The following RSRC1 variants were observed in gnomAD, a reference collection of about 807,000 sequenced individuals.
The protein encoded by RSRC1 is serine/Arginine-related protein 53.
A neutral mutation model predicts 49.1 loss-of-function variants in RSRC1; 39 were observed. That is an observed-to-expected ratio of 0.79 (90% CI 0.61 to 1.04). The LOEUF (loss-of-function observed/expected upper bound fraction) is 1.04, where lower values mean the gene tolerates loss of function less well. RSRC1 is among the 50% of genes least tolerant of loss of function. RSRC1 has a pLI of 0.00. For missense variants in RSRC1, 388 were observed against 402.4 expected, an observed-to-expected ratio of 0.96 and a Z score of 0.31; for synonymous variants, 143 against 130.8, an observed-to-expected ratio of 1.09 and a Z score of -0.63.
rs534145626 is a variant in RSRC1 at position 158,486,367 on chromosome 3, A to C, written c.652+25364A>C. Among the ~76,000 whole-genome samples, 3 of 152,206 alleles carry C rather than the reference A, an allele frequency of 2.0e-5. No individual in the cohort carries two copies. In the East Asian group the frequency reaches 5.8e-4, roughly 29 times the overall value. On this transcript the variant is annotated intron_variant, in intron 7 of 9. Transcript: ENST00000611884. ...CATCCTTCTGTTGGCAAAATCCCCT[A>C]TCTCTTCCAGGCACCATGTTAAATG...
At position 158,282,813 on chromosome 3, in the gene RSRC1, T is replaced by C. The variant is rs75824675; in HGVS notation, c.495-15226T>C. Among the ~76,000 whole-genome samples, 744 of 152,272 alleles carry C rather than the reference T, an allele frequency of 4.9e-3. 7 individuals carry two copies. The highest frequency in any genetic ancestry group is 0.014 in the Middle Eastern group (4 of 294). On this transcript the variant is annotated intron_variant, in intron 4 of 9. Coordinates refer to ENST00000611884, the MANE Select transcript of RSRC1 (RefSeq NM_001271838.2). The stretch of plus-strand genomic sequence containing the variant: ...ATGAACTGGTTTGAGAAGAGTTACA[T>C]ATTGGCAGAAAATTGTTAGCCAGGT...
rs774630952 is a variant in RSRC1 at position 158,298,019 on chromosome 3, CT to C, written c.495-16del. ...ACAAGGATTTAGCAACTATTTAGAA[CT>C]TTTACTCTTCTATTTTAGGGAATCT... On this transcript the variant is annotated intron_variant, in intron 4 of 9. Transcript: ENST00000611884. 1.9e-5 allele frequency: 30 copies of C among 1,577,354 alleles called. No individual in the cohort carries two copies. In the South Asian group the frequency reaches 3.2e-4, roughly 17 times the overall value.
intron 4 of RSRC1, 104 bp downstream of exon 4, chr3:158,203,349 A>G (rs1388816414): frequency 8.6e-7 from 1 of 1,161,496 alleles, no homozygotes; most frequent in African/African-American, 1.5e-5. Context: ...TATTTGCTAT[A>G]AGAGTAGAAG....
intron 7 of RSRC1, among the ~76,000 whole-genome samples, chr3:158,521,184 A>C (rs1035655885): frequency 7.2e-5 from 11 of 152,184 alleles, no homozygotes; most frequent in Admixed American, 3.3e-4. Context: ...AAATAAGTGA[A>C]ATATTAATAG....
At chr3:158,479,993 A>G (rs1275280225) in intron 7 of RSRC1, among the ~76,000 whole-genome samples, 1 of 152,044 alleles carries the variant, frequency 6.6e-6, no homozygotes, top group Non-Finnish European at 1.5e-5. Flanking sequence ...GTAACCATTT[A>G]GCACACCCTC....
intron 3 of RSRC1, among the ~76,000 whole-genome samples, chr3:158,155,224 C>T (rs1226746545): frequency 1.3e-5 from 2 of 152,004 alleles, no homozygotes; most frequent in African/African-American, 4.8e-5. Context: ...TTTACTTTGC[C>T]CAGATTCATC....
At chr3:158,132,053 G>C (rs1184772502) in intron 3 of RSRC1, 1 of 416,596 alleles carries the variant, frequency 2.4e-6, no homozygotes, top group Non-Finnish European at 4.9e-6. Flanking sequence ...GTGCAATCTT[G>C]GCTCACTGTA....
intron 5 of RSRC1, among the ~76,000 whole-genome samples, chr3:158,342,519 T>C (rs768574104): frequency 1.4e-4 from 21 of 152,318 alleles, no homozygotes; most frequent in Non-Finnish European, 2.9e-4. Flanking sequence ...TCCCCAGCCA[T>C]GTGGAACCAT....
At chr3:158,473,987 G>A (rs554790259) in intron 7 of RSRC1, among the ~76,000 whole-genome samples, 38 of 152,202 alleles carry the variant, frequency 2.5e-4, no homozygotes, top group Non-Finnish European at 5.1e-4. Flanking sequence ...AAATTTACAG[G>A]TTTTGTATGA....
chr3:158,414,038 A>G (rs1396419388), intron 6 of RSRC1, among the ~76,000 whole-genome samples: 2 of 152,050 alleles, frequency 1.3e-5, no homozygotes, highest in Non-Finnish European at 2.9e-5. Flanking sequence ...CCAAAAGAAT[A>G]TAAATTACTG....
chr3:158,176,276 T>C (rs1423571035), intron 3 of RSRC1, among the ~76,000 whole-genome samples: 1 of 152,220 alleles, frequency 6.6e-6, no homozygotes, highest in Non-Finnish European at 1.5e-5. Context: ...ACCAATGATT[T>C]TCTTCACAGA....
intron 6 of RSRC1, among the ~76,000 whole-genome samples, chr3:158,401,442 G>T (rs1188326109): frequency 4.6e-5 from 7 of 151,918 alleles, no homozygotes; most frequent in Non-Finnish European, 7.4e-5. Flanking sequence ...TATAGATTGC[G>T]ATAGGACGGA....
chr3:158,333,291 C>A (rs540586602), intron 5 of RSRC1, among the ~76,000 whole-genome samples: 10 of 152,252 alleles, frequency 6.6e-5, no homozygotes, highest in Admixed American at 2.6e-4. Context: ...GAAACCAAAG[C>A]CCTCAGTCAA....
intron 7 of RSRC1, among the ~76,000 whole-genome samples, chr3:158,528,290 G>A (rs1051667800): frequency 2.0e-5 from 3 of 151,904 alleles, no homozygotes; most frequent in Non-Finnish European, 4.4e-5. Flanking sequence ...CACTAAAATG[G>A]GGAAGGTGGT....
At chr3:158,513,281 A>G (rs1206193346) in intron 7 of RSRC1, among the ~76,000 whole-genome samples, 1 of 151,362 alleles carries the variant, frequency 6.6e-6, no homozygotes, top group African/African-American at 2.4e-5. Flanking sequence ...TTATTTTGAA[A>G]TACGTCCCAT....
intron 4 of RSRC1, among the ~76,000 whole-genome samples, chr3:158,237,881 G>A (rs1723330042): frequency 6.6e-6 from 1 of 152,124 alleles, no homozygotes; most frequent in Non-Finnish European, 1.5e-5. Context: ...GCTGTCTTGT[G>A]CCAGTTTTCA....
chr3:158,396,691 G>A (rs1317432916), intron 6 of RSRC1, among the ~76,000 whole-genome samples: 1 of 152,044 alleles, frequency 6.6e-6, no homozygotes, highest in African/African-American at 2.4e-5. Flanking sequence ...TAGTAAAATT[G>A]AGTTTAGGAT....
intron 4 of RSRC1, among the ~76,000 whole-genome samples, chr3:158,220,858 C>G (rs1454911843): frequency 1.3e-5 from 2 of 151,464 alleles, no homozygotes; most frequent in African/African-American, 2.4e-5. Flanking sequence ...TCAAAACATA[C>G]AGTAATCACC....
At chr3:158,489,084 A>G (rs1040669943) in intron 7 of RSRC1, among the ~76,000 whole-genome samples, 3 of 152,186 alleles carry the variant, frequency 2.0e-5, no homozygotes, top group African/African-American at 7.2e-5. Context: ...TTGTATTTTA[A>G]TCCACTTAAA....
Sources: gnomAD v4.1 joint callset for allele counts (sites outside exome capture counted in the v4.1 genomes callset) on GRCh38, gnomAD v4.1.1 for gene constraint, MANE v1.5 for transcripts, NCBI Gene and HGNC (gene_info 2026-07-23, HGNC 2026-07-21) for gene names.